The following RAB14 variants were observed in gnomAD, a reference collection of about 807,000 sequenced individuals.
RAB14 encodes the protein RAB14, member RAS oncogene family, also known as ras-related protein Rab-14.
In RAB14, 3 loss-of-function variants were observed where a neutral mutation model predicts 31.1. The observed-to-expected ratio is 0.10, with a 90% CI of 0.04 to 0.25. The LOEUF is 0.25. Ranked by LOEUF, RAB14 falls within the 10% of genes least tolerant of loss-of-function variation. The pLI is 1.00. For missense variants in RAB14, 111 were observed against 260.1 expected, an observed-to-expected ratio of 0.43 and a Z score of 3.94; for synonymous variants, 85 against 84.9, an observed-to-expected ratio of 1.00 and a Z score of 0.00.
chr9:121,198,015 T>C (rs933662759), intron 1 of RAB14, among the ~76,000 whole-genome samples: 7 of 112,784 alleles, frequency 6.2e-5, no homozygotes, highest in Non-Finnish European at 9.2e-5. Context: ...CATACCCCAC[T>C]TTCAAACACA....
At chr9:121,189,152 C>T (rs561130092) in intron 4 of RAB14, among the ~76,000 whole-genome samples, 1 of 152,016 alleles carries the variant, frequency 6.6e-6, no homozygotes, top group Non-Finnish European at 1.5e-5. Flanking sequence ...AGCTGAGTAA[C>T]ATTTCATTGT....
At chr9:121,182,780 A>C in intron 7 of RAB14, 150 bp downstream of exon 7, 1 of 480,568 alleles carries the variant, frequency 2.1e-6, no homozygotes, top group Non-Finnish European at 3.5e-6. Flanking sequence ...AAGGAAGCAA[A>C]GAGATGTTTG....
In RAB14 at chr9:121,187,042, T is replaced by C. The variant is rs201249611; in HGVS notation, c.285-23A>G. ...CTTCTGCAAAAATAAAAGTTTAAAT[T>C]TGTGACTGCCATATAATTATAGAAA... is the stretch of plus-strand genomic sequence containing the variant. On this transcript the variant is annotated intron_variant, in intron 4 of 7. Transcript: ENST00000373840. The C allele has an allele frequency of 8.6e-4, 1,225 of 1,422,046 alleles. No individual in the cohort carries two copies. Among genetic ancestry groups the C allele is most frequent in the Non-Finnish European group, 1.1e-3 (1,147 of 1,045,078 alleles). 88.1% of individuals were successfully genotyped at this position (1,422,046 alleles called of 1,614,324 possible).
intron 3 of RAB14, 25 bp downstream of exon 3, chr9:121,192,146 T>C: frequency 2.0e-6 from 3 of 1,499,492 alleles, no homozygotes; most frequent in Non-Finnish European, 2.7e-6. Context: ...AAACTATTAA[T>C]GTTTACCTCA....
chr9:121,200,652 T>C (rs2053759614), intron 1 of RAB14, among the ~76,000 whole-genome samples: 3 of 152,334 alleles, frequency 2.0e-5, no homozygotes, highest in South Asian at 4.1e-4. Flanking sequence ...AAGTTGTAAC[T>C]ACATTATAAA....
intron 4 of RAB14, among the ~76,000 whole-genome samples, chr9:121,189,346 T>C (rs961355279): frequency 1.3e-5 from 2 of 152,144 alleles, no homozygotes; most frequent in African/African-American, 2.4e-5. Flanking sequence ...TTAAATTTTA[T>C]TGAGTTTTTA....
At chr9:121,191,971 C>T (rs2053689361) in intron 3 of RAB14, among the ~76,000 whole-genome samples, 200 bp downstream of exon 3, 1 of 151,886 alleles carries the variant, frequency 6.6e-6, no homozygotes, top group South Asian at 2.1e-4. Context: ...ACAAGCAAAT[C>T]AGATTATATA....
intron 1 of RAB14, among the ~76,000 whole-genome samples, chr9:121,197,343 T>G (rs2053723461): frequency 6.6e-6 from 1 of 152,192 alleles, no homozygotes; most frequent in South Asian, 2.1e-4. Context: ...TGGGGAAACA[T>G]ACCATTTCAC....
chr9:121,185,707 A>C (rs10760152), intron 5 of RAB14, among the ~76,000 whole-genome samples: 103,159 of 151,964 alleles, frequency 0.68, 35,714 homozygotes, highest in East Asian at 0.96. Flanking sequence ...GCCCTTGAGA[A>C]CCAGCTCAAC....
intron 7 of RAB14, 53 bp downstream of exon 7, chr9:121,182,877 T>C (rs2053640569): frequency 6.6e-7 from 1 of 1,508,066 alleles, no homozygotes; most frequent in Non-Finnish European, 9.2e-7. Context: ...TATACGGTTC[T>C]ACTTTGAGAA....
At chr9:121,191,830 A>C (rs2053688483) in intron 3 of RAB14, among the ~76,000 whole-genome samples, 1 of 152,220 alleles carries the variant, frequency 6.6e-6, no homozygotes, top group African/African-American at 2.4e-5. Flanking sequence ...GTTATTTAAC[A>C]AATGATACAT....
intron 4 of RAB14, among the ~76,000 whole-genome samples, chr9:121,188,675 C>A (rs1395816183): frequency 2.6e-5 from 4 of 151,820 alleles, no homozygotes; most frequent in African/African-American, 4.8e-5. Flanking sequence ...GGGACTTTTA[C>A]GTTTGTAAAA....
At chr9:121,187,722 C>T (rs2053665333) in intron 4 of RAB14, among the ~76,000 whole-genome samples, 1 of 151,998 alleles carries the variant, frequency 6.6e-6, no homozygotes, top group African/African-American at 2.4e-5. Flanking sequence ...GCCAAGTAAG[C>T]TCTAAGATAA....
chr9:121,185,853 G>C (rs1241692424), intron 5 of RAB14, among the ~76,000 whole-genome samples: 42 of 152,060 alleles, frequency 2.8e-4, no homozygotes, highest in Non-Finnish European at 1.0e-4. Context: ...TGGGCTACTG[G>C]AAATAAAGCT....
In RAB14 at chr9:121,190,601, G is replaced by A. The variant is rs2053681510; in HGVS notation, c.237C>T (p.Ser79=). The A allele has an allele frequency of 1.9e-6, 3 of 1,613,074 alleles. No homozygotes were observed. Among genetic ancestry groups the A allele is most frequent in the Non-Finnish European group, 2.5e-6 (3 of 1,179,540 alleles). ...GAGCTCCCGCAGCTCCTCTGTAGTA[G>A]CTCCGTGTAACAGCCCTAAATCGCT... ...GQERFRAVTR[S]YYRGAAGALM... is the part of the protein sequence containing the mutation. Residue 79 remains serine, a synonymous_variant, in exon 4 of 8, where the codon AGC becomes AGT. Transcript: ENST00000373840.
chr9:121,197,924 T>G (rs2053727364), intron 1 of RAB14, among the ~76,000 whole-genome samples: 1 of 152,170 alleles, frequency 6.6e-6, no homozygotes, highest in South Asian at 2.1e-4. Context: ...GAAACCATTT[T>G]GATTGATATG....
At chr9:121,192,112 A>G in intron 3 of RAB14, 59 bp downstream of exon 3, 1 of 1,314,496 alleles carries the variant, frequency 7.6e-7, no homozygotes, top group Non-Finnish European at 1.1e-6. Flanking sequence ...CACTTTCTAA[A>G]AAGTAGAAAC....
chr9:121,200,843 G>A (rs1346168402), intron 1 of RAB14, among the ~76,000 whole-genome samples: 1 of 152,172 alleles, frequency 6.6e-6, no homozygotes, highest in Non-Finnish European at 1.5e-5. Flanking sequence ...CGCGGGGCAA[G>A]ATAAATAGGT....
At chr9:121,201,356 C>G (rs2132035702) in intron 1 of RAB14, among the ~76,000 whole-genome samples, 1 of 152,216 alleles carries the variant, frequency 6.6e-6, no homozygotes, top group South Asian at 2.1e-4. Flanking sequence ...GAGGCCGGAA[C>G]ACACCCTTCC....
Sources: allele counts gnomAD v4.1 joint callset (sites outside exome capture counted in the v4.1 genomes callset), GRCh38; gene constraint gnomAD v4.1.1; transcripts MANE v1.5; gene names NCBI Gene and HGNC (gene_info 2026-07-23, HGNC 2026-07-21).